CNOT6L: variants seen among roughly 807,000 people sequenced by gnomAD.
CNOT6L encodes CCR4-NOT transcription complex subunit 6 like.
In CNOT6L, 7 loss-of-function variants were observed where a neutral mutation model predicts 64.0. That is an observed-to-expected ratio of 0.11 (90% CI 0.06 to 0.21). CNOT6L has a LOEUF of 0.21. Ranked by LOEUF, CNOT6L falls within the 10% of genes least tolerant of loss-of-function variation. The pLI is 1.00. For missense variants in CNOT6L, 245 were observed against 669.0 expected, an observed-to-expected ratio of 0.37 and a Z score of 6.99; for synonymous variants, 193 against 243.4, an observed-to-expected ratio of 0.79 and a Z score of 1.93.
chr4:77,819,526 C>T, upstream of CNOT6L: 1 of 829,624 alleles, frequency 1.2e-6, no homozygotes, highest in Non-Finnish European at 1.7e-6. Flanking sequence ...GTAACCGGGG[C>T]TCGCGGGCGG....
In CNOT6L at chr4:77,731,397, T is replaced by C. The variant is rs751706774; in HGVS notation, c.1014A>G (p.Leu338=). 16 of 1,611,876 alleles carry C rather than the reference T, an allele frequency of 9.9e-6. No individual in the cohort carries two copies. The highest frequency in any genetic ancestry group is 1.2e-5 in the Non-Finnish European group (14 of 1,179,314). ...TTACATTGCACTCACCTGCTCCAAA[T>C]AGTTCTTTGTGGACCTCTAATACCA... ...VAVVLEVHKE[L]FGAGMKPIHA... is the part of the protein sequence containing the mutation. The change falls in exon 9 of 12, where the codon CTA becomes CTG. Residue 338 remains leucine (L), a synonymous_variant. Transcript: ENST00000504123.
chr4:77,773,085 C>CTTG lies in CNOT6L; in HGVS notation c.395_396insCAA (p.Leu132delinsPheLys). ...AACTGTTTAAAAATCACTTACCTTT[C>CTTG]AAACCTAGAGTTTGTAGCTGGAAGA... is the stretch of plus-strand genomic sequence containing the variant. On this transcript the variant is annotated protein_altering_variant, in exon 4 of 12. Coordinates refer to ENST00000504123, the MANE Select transcript of CNOT6L (RefSeq NM_144571.3). The CTTG allele has an allele frequency of 6.3e-7, 1 of 1,595,420 alleles. No individual in the cohort carries two copies. Among genetic ancestry groups the CTTG allele is most frequent in the Non-Finnish European group, 8.5e-7 (1 of 1,171,602 alleles).
intron 1 of CNOT6L, among the ~76,000 whole-genome samples, chr4:77,803,636 G>A (rs1165351405): frequency 6.6e-6 from 1 of 152,174 alleles, no homozygotes; most frequent in African/African-American, 2.4e-5. Flanking sequence ...AGGTGCGGTT[G>A]CTCATGCCTA....
At chr4:77,787,542 A>C (rs17002804) in intron 1 of CNOT6L, among the ~76,000 whole-genome samples, 74,903 of 152,032 alleles carry the variant, frequency 0.49, 18,777 homozygotes, top group Admixed American at 0.54. Context: ...ACTTACCCCC[A>C]GTTTCTCAGC....
intron 1 of CNOT6L, among the ~76,000 whole-genome samples, chr4:77,808,447 G>A (rs1732501416): frequency 6.7e-6 from 1 of 148,988 alleles, no homozygotes; most frequent in South Asian, 2.1e-4. Flanking sequence ...GGGTGAGAGT[G>A]GGACTCTGCC....
At chr4:77,808,682 A>C (rs1732534997) in intron 1 of CNOT6L, among the ~76,000 whole-genome samples, 1 of 152,172 alleles carries the variant, frequency 6.6e-6, no homozygotes, top group African/African-American at 2.4e-5. Context: ...TAGACTAGCA[A>C]GGAAGATATT....
chr4:77,788,192 A>AAATGT (rs1729669958), intron 1 of CNOT6L, among the ~76,000 whole-genome samples: 1 of 152,236 alleles, frequency 6.6e-6, no homozygotes, highest in Non-Finnish European at 1.5e-5. Context: ...ATGTAAGCGA[A>AAATGT]CAGTTTTTTA....
chr4:77,813,871 T>C (rs1733246855), intron 1 of CNOT6L, among the ~76,000 whole-genome samples: 1 of 152,190 alleles, frequency 6.6e-6, no homozygotes, highest in African/African-American at 2.4e-5. Flanking sequence ...CAAAGTGGTA[T>C]ATGTTCCAGC....
chr4:77,782,398 T>A (rs1283091364), intron 1 of CNOT6L, among the ~76,000 whole-genome samples: 2 of 152,142 alleles, frequency 1.3e-5, no homozygotes, highest in Admixed American at 6.6e-5. Context: ...AGTGGTACAA[T>A]CATAGCTCAT....
intron 1 of CNOT6L, among the ~76,000 whole-genome samples, chr4:77,814,895 G>A (rs1733388565): frequency 6.6e-6 from 1 of 152,200 alleles, no homozygotes; most frequent in South Asian, 2.1e-4. Context: ...GAGGTCCAGT[G>A]TCAGTGCAGT....
intron 1 of CNOT6L, among the ~76,000 whole-genome samples, chr4:77,782,795 A>G (rs1242506095): frequency 6.6e-6 from 1 of 152,022 alleles, no homozygotes; most frequent in Non-Finnish European, 1.5e-5. Flanking sequence ...TTTATTTTTA[A>G]CTATACACAA....
intron 1 of CNOT6L, among the ~76,000 whole-genome samples, chr4:77,807,448 G>A (rs1459622510): frequency 6.6e-6 from 1 of 152,040 alleles, no homozygotes; most frequent in African/African-American, 2.4e-5. Flanking sequence ...AGGCAATGTA[G>A]TAAGTGTTAT....
intron 3 of CNOT6L, among the ~76,000 whole-genome samples, chr4:77,774,255 C>A (rs1727921345): frequency 6.6e-6 from 1 of 152,132 alleles, no homozygotes; most frequent in Non-Finnish European, 1.5e-5. Flanking sequence ...TCTAATCAGT[C>A]TTATCATATT....
intron 8 of CNOT6L, among the ~76,000 whole-genome samples, chr4:77,734,193 C>T (rs569093913): frequency 6.6e-6 from 1 of 152,240 alleles, no homozygotes; most frequent in South Asian, 2.1e-4. Context: ...CAGGTCTTGT[C>T]AGTCCTGCAT....
intron 1 of CNOT6L, among the ~76,000 whole-genome samples, chr4:77,804,573 A>G (rs1399754480): frequency 3.3e-5 from 5 of 152,214 alleles, no homozygotes; most frequent in Admixed American, 3.3e-4. Context: ...ATCCATAGAG[A>G]CAGAAAGTAG....
intron 4 of CNOT6L, among the ~76,000 whole-genome samples, chr4:77,759,548 C>A (rs1405367709): frequency 6.7e-6 from 1 of 149,840 alleles, no homozygotes; most frequent in Non-Finnish European, 1.5e-5. Flanking sequence ...CTGGGCGACA[C>A]AGCGTGACTC....
chr4:77,745,989 A>T (rs1393445603), intron 6 of CNOT6L, among the ~76,000 whole-genome samples: 2 of 152,098 alleles, frequency 1.3e-5, no homozygotes, highest in Non-Finnish European at 2.9e-5. Context: ...ATTTGAGTTG[A>T]CTTTTGTACT....
At chr4:77,757,665 A>G (rs1168021111) in intron 4 of CNOT6L, among the ~76,000 whole-genome samples, 1 of 152,190 alleles carries the variant, frequency 6.6e-6, no homozygotes, top group African/African-American at 2.4e-5. Context: ...TAAATAACAA[A>G]TCAACCAAAC....
intron 7 of CNOT6L, chr4:77,742,556 T>C: frequency 2.1e-6 from 1 of 465,436 alleles, no homozygotes. Flanking sequence ...CAAGGTCTCT[T>C]GATTCCCAAT....
Sources: gnomAD v4.1 joint callset for allele counts (sites outside exome capture counted in the v4.1 genomes callset) on GRCh38, gnomAD v4.1.1 for gene constraint, MANE v1.5 for transcripts, NCBI Gene and HGNC (gene_info 2026-07-23, HGNC 2026-07-21) for gene names.